WIPI1: variants seen among roughly 807,000 people sequenced by gnomAD.
WIPI1 encodes the protein WD repeat domain, phosphoinositide interacting 1, also known as WD repeat domain phosphoinositide-interacting protein 1.
WIPI1 carries 45 observed loss-of-function variants against 55.3 expected under a neutral mutation model. That is an observed-to-expected ratio of 0.81 (90% CI 0.64 to 1.04). The LOEUF (loss-of-function observed/expected upper bound fraction) is 1.04, where lower values mean the gene tolerates loss of function less well. WIPI1 is among the 50% of genes least tolerant of loss of function. The pLI is 0.00. For missense variants in WIPI1, 445 were observed against 559.0 expected (o/e 0.80, Z 2.06); for synonymous variants, 195 against 217.6 (o/e 0.90, Z 0.92).
At chr17:68,425,116 C>T (rs963064192) in intron 12 of WIPI1, among the ~76,000 whole-genome samples, 2 of 152,222 alleles carry the variant, frequency 1.3e-5, no homozygotes, top group African/African-American at 4.8e-5. Context: ...GCTGTGGGAA[C>T]AGGCTGAGCA....
chr17:68,424,192 G>C (rs1011836753), intron 12 of WIPI1, among the ~76,000 whole-genome samples: 16 of 152,186 alleles, frequency 1.1e-4, no homozygotes, highest in Admixed American at 8.5e-4. Context: ...GTATTTTTAA[G>C]AACAACTGCT....
At chr17:68,455,601 G>A (rs1381981625) in intron 1 of WIPI1, among the ~76,000 whole-genome samples, 1 of 152,176 alleles carries the variant, frequency 6.6e-6, no homozygotes, top group Non-Finnish European at 1.5e-5. Context: ...GCAACTGACT[G>A]TGACAAGAAC....
At position 68,421,506 on chromosome 17, in the gene WIPI1, C is replaced by T. The variant is rs2082770708; in HGVS notation, c.*267G>A. On this transcript the variant is annotated 3_prime_UTR_variant, in exon 13 of 13. Transcript: ENST00000262139. ...TTAATATAAAATTCCGGTTATATAC[C>T]AATATGGTTAATTAGCATTTACACT... The T allele has an allele frequency of 2.1e-6, 1 of 473,734 alleles. No homozygotes were observed. Among genetic ancestry groups the T allele is most frequent in the Non-Finnish European group, 3.8e-6 (1 of 260,752 alleles). 29.3% of individuals were successfully genotyped at this position (473,734 alleles called of 1,614,324 possible). A position where few individuals can be genotyped will look rare whatever the true frequency, so the allele number is the denominator to read the frequency against.
At chr17:68,453,603 C>T (rs894802112) in intron 1 of WIPI1, among the ~76,000 whole-genome samples, 7 of 151,700 alleles carry the variant, frequency 4.6e-5, no homozygotes, top group African/African-American at 9.7e-5. Context: ...CTCAGCCTCC[C>T]GAGCAGTGAG....
At chr17:68,430,720 T>C (rs1050634968) in intron 8 of WIPI1, among the ~76,000 whole-genome samples, 2 of 152,204 alleles carry the variant, frequency 1.3e-5, no homozygotes, top group Non-Finnish European at 1.5e-5. Flanking sequence ...CCTACAGTCA[T>C]GGAACTTCAT....
At chr17:68,448,173 T>C (rs531903838) in intron 3 of WIPI1, 1 of 152,082 alleles carries the variant, frequency 6.6e-6, no homozygotes, top group South Asian at 2.1e-4. Flanking sequence ...TTCCCCAGAG[T>C]GGGCAGTCCT....
chr17:68,439,890 C>T (rs866760810), intron 4 of WIPI1, among the ~76,000 whole-genome samples: 3 of 152,104 alleles, frequency 2.0e-5, no homozygotes, highest in South Asian at 2.1e-4. Flanking sequence ...AAATACTGGG[C>T]GTGTCTTTGT....
intron 4 of WIPI1, chr17:68,440,683 G>A (rs2084037946): frequency 6.6e-6 from 1 of 152,126 alleles, no homozygotes. Context: ...TAATTGTTTG[G>A]CTGTAATTCT....
At chr17:68,442,300 C>A (rs979048758) in intron 4 of WIPI1, among the ~76,000 whole-genome samples, 4 of 151,888 alleles carry the variant, frequency 2.6e-5, no homozygotes, top group African/African-American at 7.3e-5. Flanking sequence ...CCTATCTCTA[C>A]TAAAAATACA....
chr17:68,428,795 C>T (rs1456586033), intron 10 of WIPI1, 34 bp downstream of exon 10: 12 of 1,547,684 alleles, frequency 7.8e-6, no homozygotes, highest in Non-Finnish European at 9.8e-6. Context: ...GACCAGCTCT[C>T]GAAAGGCTGT....
rs1265207888 is a variant in WIPI1, at chr17:68,425,912, C to T, written c.1293+163G>A. 8 of 618,240 alleles carry T rather than the reference C, an allele frequency of 1.3e-5. No homozygotes were observed. The East Asian group carries it at 1.9e-4, about 15-fold the overall frequency. The allele number at this position is 618,240 out of a possible 1,614,324, so 38.3% of individuals were successfully genotyped here. A position where few individuals can be genotyped will look rare whatever the true frequency, so the allele number is the denominator to read the frequency against. ...AAAGCCTACTCTGTAGGATTCGAAG[C>T]ACACAGTACAACAAATATCCTATGG... On this transcript the variant is annotated intron_variant, in intron 12 of 12. Transcript: ENST00000262139.
chr17:68,427,823 G>A (rs1437851800), intron 10 of WIPI1, among the ~76,000 whole-genome samples: 1 of 152,180 alleles, frequency 6.6e-6, no homozygotes, highest in East Asian at 1.9e-4. Context: ...TGGCAGCTCT[G>A]GTGCCCTGGC....
chr17:68,457,397 G>A lies in WIPI1; in HGVS notation c.25C>T (p.Pro9Ser), dbSNP rs370958653. The change falls in exon 1 of 13, where the codon CCC (proline) becomes TCC (serine). Residue 9 changes from proline (P) to serine (S), a missense_variant. By Grantham distance (74) the Pro-to-Ser change is moderately conservative (BLOSUM62 -1). Coordinates refer to ENST00000262139, the MANE Select transcript of WIPI1 (RefSeq NM_017983.7). ...AGCGCCGACTCAACCCCGCCCGGGGGAGCGTCCGCGGCCTCGGCCTCCATC... is the reference window on the plus strand; with the variant it reads ...AGCGCCGACTCAACCCCGCCCGGGGAAGCGTCCGCGGCCTCGGCCTCCATC... MEAEAADA[P>S]PGGVESALSC... The A allele has an allele frequency of 1.1e-5, 17 of 1,532,044 alleles. No individual in the cohort carries two copies. The highest frequency in any genetic ancestry group is 1.5e-5 in the Non-Finnish European group (17 of 1,140,808). 94.9% of individuals were successfully genotyped at this position (1,532,044 alleles called of 1,614,324 possible).
chr17:68,424,403 A>G (rs756971319), intron 12 of WIPI1: 3 of 532,588 alleles, frequency 5.6e-6, no homozygotes, highest in Non-Finnish European at 1.2e-5. Context: ...AGAGGGTTCC[A>G]CGGATCTGCG....
At chr17:68,429,809 A>C (rs1195592886) in intron 9 of WIPI1, among the ~76,000 whole-genome samples, 187 bp downstream of exon 9, 1 of 152,084 alleles carries the variant, frequency 6.6e-6, no homozygotes, top group African/African-American at 2.4e-5. Context: ...GGCTGGTCTC[A>C]AACTCCTGAC....
chr17:68,427,322 G>A lies in WIPI1; in HGVS notation c.1074-69C>T, dbSNP rs554924420. The A allele has an allele frequency of 1.4e-5, 17 of 1,204,946 alleles. 1 individual carries two copies. Among genetic ancestry groups the A allele is most frequent in the Middle Eastern group, 1.9e-4 (1 of 5,184 alleles). The allele number at this position is 1,204,946 out of a possible 1,614,324, so 74.6% of individuals were successfully genotyped here. On this transcript the variant is annotated intron_variant, in intron 10 of 12. Transcript: ENST00000262139. Reference sequence around the variant, plus strand: ...TCATATATCTAGGACACCTTCCAAAGGAAAAGCATGAAGAAGCCTGTGCTC... The same window carrying A: ...TCATATATCTAGGACACCTTCCAAAAGAAAAGCATGAAGAAGCCTGTGCTC...
Position 68,421,771 on chromosome 17 carries a change from C to T in WIPI1, c.*2G>A. On this transcript the variant is annotated 3_prime_UTR_variant, in exon 13 of 13. Coordinates refer to ENST00000262139, the MANE Select transcript of WIPI1 (RefSeq NM_017983.7). The stretch of plus-strand genomic sequence containing the variant: ...GTCCTGATTTCTGAGGTGTGCTTCT[C>T]ATCATGACTGCTTCGTTTTGCCCTT... 6.2e-7 allele frequency: 1 copy of T among 1,614,186 alleles called. No homozygotes were observed. The highest frequency in any genetic ancestry group is 8.5e-7 in the Non-Finnish European group (1 of 1,180,020).
chr17:68,432,301 G>A (rs972344049), intron 8 of WIPI1, among the ~76,000 whole-genome samples: 1 of 152,188 alleles, frequency 6.6e-6, no homozygotes, highest in Non-Finnish European at 1.5e-5. Flanking sequence ...CTCAGGCAGC[G>A]TGGGCTTGCT....
At chr17:68,455,077 G>T (rs2084612261) in intron 1 of WIPI1, among the ~76,000 whole-genome samples, 1 of 152,124 alleles carries the variant, frequency 6.6e-6, no homozygotes, top group Non-Finnish European at 1.5e-5. Context: ...TGTACCCAAA[G>T]TAGGCTGGGC....
Sources: allele counts gnomAD v4.1 joint callset (sites outside exome capture counted in the v4.1 genomes callset), GRCh38; gene constraint gnomAD v4.1.1; transcripts MANE v1.5; gene names NCBI Gene and HGNC (gene_info 2026-07-23, HGNC 2026-07-21).